Variants in MGAT4C observed in about 807,000 individuals in gnomAD.
MGAT4C encodes the protein MGAT4 family member C, also known as alpha-1,3-mannosyl-glycoprotein 4-beta-N-acetylglucosaminyltransferase C.
MGAT4C carries 19 observed loss-of-function variants against 40.1 expected under a neutral mutation model. The observed-to-expected ratio is 0.47, with a 90% confidence interval of 0.33 to 0.70. MGAT4C has a LOEUF of 0.70. Ranked by LOEUF, MGAT4C falls within the 30% of genes least tolerant of loss-of-function variation. The pLI is 0.02. For missense variants in MGAT4C, 491 were observed against 563.2 expected, an observed-to-expected ratio of 0.87 and a Z score of 1.30; for synonymous variants, 181 against 187.1, an observed-to-expected ratio of 0.97 and a Z score of 0.27.
chr12:86,244,866 G>A (rs1439497694), intron 1 of MGAT4C, among the ~76,000 whole-genome samples: 1 of 152,116 alleles, frequency 6.6e-6, no homozygotes, highest in Non-Finnish European at 1.5e-5. Context: ...TGAAGCATAG[G>A]GTTTATGGGT....
At chr12:86,753,665 A>G (rs1951258456) in intron 1 of MGAT4C, among the ~76,000 whole-genome samples, 1 of 152,112 alleles carries the variant, frequency 6.6e-6, no homozygotes, top group Admixed American at 6.6e-5. Flanking sequence ...AGGACTTTCA[A>G]ACTTCAATAT....
rs1399501633 is a variant in MGAT4C at position 86,581,542 on chromosome 12, G to A, written c.-229+145667C>T. Reference sequence around the variant, plus strand: ...TCACAGCACTGCTTCTCCACTTAGTGCTAATATGATCTTTTCATAAGTGAG... The same window carrying A: ...TCACAGCACTGCTTCTCCACTTAGTACTAATATGATCTTTTCATAAGTGAG... On this transcript the variant is annotated intron_variant, in intron 2 of 7. Transcript: ENST00000548651. 2.0e-5 allele frequency among the ~76,000 whole-genome samples: 3 copies of A among 151,338 alleles called. No homozygotes were observed. In the Admixed American group the frequency reaches 2.0e-4, roughly 10 times the overall value.
chr12:86,633,011 C>A (rs1327170472), intron 2 of MGAT4C, among the ~76,000 whole-genome samples: 1 of 151,878 alleles, frequency 6.6e-6, no homozygotes, highest in Non-Finnish European at 1.5e-5. Context: ...TATTGCATAG[C>A]ATAAGTGTGT....
At chr12:86,728,303 T>G (rs753909588) in intron 1 of MGAT4C, among the ~76,000 whole-genome samples, 8 of 152,208 alleles carry the variant, frequency 5.3e-5, no homozygotes, top group Non-Finnish European at 8.8e-5. Flanking sequence ...TATTAATATT[T>G]GAGTCTACAT....
At chr12:86,589,073 A>C (rs1961201500) in intron 2 of MGAT4C, among the ~76,000 whole-genome samples, 1 of 151,534 alleles carries the variant, frequency 6.6e-6, no homozygotes, top group African/African-American at 2.4e-5. Context: ...TGAAGGAAAT[A>C]GAGACACAAA....
At chr12:86,427,115 T>C (rs1392519064) in intron 3 of MGAT4C, among the ~76,000 whole-genome samples, 1 of 152,168 alleles carries the variant, frequency 6.6e-6, no homozygotes, top group Non-Finnish European at 1.5e-5. Flanking sequence ...GGGATACTAT[T>C]GTTATAGCTT....
At chr12:86,785,225 G>A (rs1477687842) in intron 1 of MGAT4C, among the ~76,000 whole-genome samples, 1 of 151,920 alleles carries the variant, frequency 6.6e-6, no homozygotes, top group East Asian at 1.9e-4. Context: ...GGAAAACTGA[G>A]TTCAGTATAT....
At chr12:86,822,184 A>G (rs1479065124) in intron 1 of MGAT4C, among the ~76,000 whole-genome samples, 5 of 151,042 alleles carry the variant, frequency 3.3e-5, no homozygotes, top group Non-Finnish European at 4.5e-5. Context: ...TTAAAGAAAA[A>G]AATACATATA....
chr12:86,426,964 A>AAGAG (rs368757199), intron 3 of MGAT4C, among the ~76,000 whole-genome samples: 6 of 151,174 alleles, frequency 4.0e-5, no homozygotes, highest in South Asian at 2.1e-4. Context: ...GAAAAAGAAG[A>AAGAG]AGAGAGAGAG....
At chr12:86,459,557 T>A (rs2136294087) in intron 2 of MGAT4C, among the ~76,000 whole-genome samples, 1 of 152,084 alleles carries the variant, frequency 6.6e-6, no homozygotes, top group East Asian at 1.9e-4. Flanking sequence ...GGAAATGAAA[T>A]CTTCCAACAA....
intron 2 of MGAT4C, among the ~76,000 whole-genome samples, chr12:86,557,928 C>G (rs1959688877): frequency 6.6e-6 from 1 of 151,778 alleles, no homozygotes. Context: ...TAAGGAAACT[C>G]AGTGAGTTAC....
intron 2 of MGAT4C, among the ~76,000 whole-genome samples, chr12:86,482,790 A>T (rs559733943): frequency 6.6e-6 from 1 of 152,322 alleles, no homozygotes; most frequent in South Asian, 2.1e-4. Flanking sequence ...GATACAACGC[A>T]TAATTTTCTT....
intron 3 of MGAT4C, among the ~76,000 whole-genome samples, chr12:86,433,539 T>C (rs934992851): frequency 8.6e-5 from 13 of 151,946 alleles, no homozygotes; most frequent in African/African-American, 3.1e-4. Flanking sequence ...TTTTACTACA[T>C]GGATTCATGG....
At chr12:86,779,829 C>A (rs1301588457) in intron 1 of MGAT4C, among the ~76,000 whole-genome samples, 1 of 151,996 alleles carries the variant, frequency 6.6e-6, no homozygotes, top group African/African-American at 2.4e-5. Context: ...AGGAGAATGG[C>A]GTGAACCCAG....
chr12:86,402,828 CTTTCT>C lies in MGAT4C; in HGVS notation c.-120+32324_-120+32328del, dbSNP rs137886171. ...AATTGCAGCATTACTGATGGAATTT[CTTTCT>C]TTTAATGTGATTTTAAATTGCAAAC... On this transcript the variant is annotated intron_variant, in intron 3 of 7. Transcript: ENST00000548651. Among the ~76,000 whole-genome samples, 756 of 152,178 alleles carry C rather than the reference CTTTCT, an allele frequency of 5.0e-3. 3 individuals are homozygous for C. Among genetic ancestry groups the C allele is most frequent in the African/African-American group, 0.017 (726 of 41,530 alleles).
Position 85,961,534 on chromosome 12 carries a change from C to T in MGAT4C, c.*17755G>A, listed in dbSNP as rs890890248. The stretch of plus-strand genomic sequence containing the variant: ...TCTAATCTTTTATCATCCTCTACCA[C>T]ATAATTCCTCCTATATTCTCTTTTT... On this transcript the variant is annotated 3_prime_UTR_variant, in exon 5 of 5. Coordinates refer to ENST00000611864, the MANE Select transcript of MGAT4C (RefSeq NM_001351288.2). 1 of 151,730 alleles carries T rather than the reference C, an allele frequency of 6.6e-6. No homozygotes were observed. The highest frequency in any genetic ancestry group is 2.4e-5 in the African/African-American group (1 of 41,400). The allele number at this position is 151,730 out of a possible 1,614,324, so 9.4% of individuals were successfully genotyped here.
chr12:86,259,726 T>C (rs1484360938), upstream of MGAT4C, among the ~76,000 whole-genome samples: 1 of 11,976 alleles, frequency 8.4e-5, no homozygotes, highest in African/African-American at 5.9e-4. Context: ...AAGTTTAATA[T>C]GAGGGGGCAA....
intron 3 of MGAT4C, among the ~76,000 whole-genome samples, 182 bp from the exon 4 acceptor site, chr12:85,983,852 G>GC (rs1884910324): frequency 6.6e-6 from 1 of 152,008 alleles, no homozygotes; most frequent in Non-Finnish European, 1.5e-5. Flanking sequence ...TTTACCTGGA[G>GC]GTTCTGCTCC....
chr12:86,012,372 A>G (rs1888545212), intron 2 of MGAT4C, among the ~76,000 whole-genome samples: 1 of 152,186 alleles, frequency 6.6e-6, no homozygotes, highest in East Asian at 1.9e-4. Flanking sequence ...TACCAAATAC[A>G]TGCAGCATTT....
Sources: gnomAD v4.1 joint callset for allele counts (sites outside exome capture counted in the v4.1 genomes callset) on GRCh38, gnomAD v4.1.1 for gene constraint, MANE v1.5 for transcripts, NCBI Gene and HGNC (gene_info 2026-07-23, HGNC 2026-07-21) for gene names.